The following DPP10 variants were observed in gnomAD, a reference collection of about 807,000 sequenced individuals.
The protein encoded by DPP10 is dipeptidyl peptidase like 10.
Under a neutral mutation model 120.9 loss-of-function variants are expected in DPP10, and 33 were observed. The ratio of observed to expected loss-of-function variants is 0.27; its 90% CI spans 0.21 to 0.37. The LOEUF (loss-of-function observed/expected upper bound fraction) is 0.37. DPP10 is among the 10% of genes least tolerant of loss of function. The pLI, the probability that DPP10 is intolerant of heterozygous loss-of-function variation, is 1.00. For missense variants in DPP10, 816 were observed against 942.8 expected (o/e 0.87, Z 1.76); for synonymous variants, 337 against 326.1 (o/e 1.03, Z -0.36).
intron 1 of DPP10, among the ~76,000 whole-genome samples, chr2:114,762,215 C>T (rs1680346270): frequency 6.6e-6 from 1 of 152,218 alleles, no homozygotes; most frequent in Admixed American, 6.5e-5. Flanking sequence ...TAAAGAGCAG[C>T]TCTGGAGGAA....
chr2:115,363,211 A>G (rs982026870), intron 3 of DPP10, among the ~76,000 whole-genome samples: 1 of 152,198 alleles, frequency 6.6e-6, no homozygotes, highest in Non-Finnish European at 1.5e-5. Flanking sequence ...GTTTTCTACC[A>G]TTACCAGTAA....
chr2:115,633,258 AGG>A (rs1558954928), intron 5 of DPP10, among the ~76,000 whole-genome samples: 54 of 152,234 alleles, frequency 3.5e-4, no homozygotes, highest in African/African-American at 1.2e-3. Context: ...GCTATAAAAA[AGG>A]ATGAGTTCAT....
At chr2:115,829,576 AT>A (rs1229129097) in intron 21 of DPP10, among the ~76,000 whole-genome samples, 2 of 152,164 alleles carry the variant, frequency 1.3e-5, no homozygotes, top group Non-Finnish European at 2.9e-5. Context: ...TTCAACAGTT[AT>A]AATAATTTAA....
At chr2:115,298,043 C>A (rs1164371744) in intron 1 of DPP10, among the ~76,000 whole-genome samples, 1 of 151,992 alleles carries the variant, frequency 6.6e-6, no homozygotes, top group East Asian at 1.9e-4. Context: ...GAAATGCATC[C>A]CTCAAGATTA....
chr2:114,977,126 C>T (rs1181061622), intron 1 of DPP10, among the ~76,000 whole-genome samples: 1 of 152,076 alleles, frequency 6.6e-6, no homozygotes, highest in Non-Finnish European at 1.5e-5. Flanking sequence ...TATTCTGCTA[C>T]TTATTAACAT....
intron 3 of DPP10, among the ~76,000 whole-genome samples, chr2:115,419,470 C>A (rs1452402022): frequency 1.3e-5 from 2 of 152,074 alleles, no homozygotes; most frequent in Non-Finnish European, 2.9e-5. Context: ...AACCTGATTT[C>A]TAATGAGCTA....
chr2:115,489,650 C>CTT (rs1163701304), intron 3 of DPP10, among the ~76,000 whole-genome samples: 1 of 148,472 alleles, frequency 6.7e-6, no homozygotes, highest in Admixed American at 6.7e-5. Flanking sequence ...TACAATTTGA[C>CTT]TTAATTTCTA....
chr2:114,890,643 C>T (rs1479100227), intron 1 of DPP10, among the ~76,000 whole-genome samples: 1 of 152,210 alleles, frequency 6.6e-6, no homozygotes, highest in Non-Finnish European at 1.5e-5. Context: ...TTATTAGCAT[C>T]ATTCATTCCT....
At chr2:115,750,187 T>C in intron 10 of DPP10, 1 of 984,802 alleles carries the variant, frequency 1.0e-6, no homozygotes, top group Non-Finnish European at 1.2e-6. Context: ...GAGTGTGACA[T>C]TTCCAGGTAA....
chr2:114,538,767 C>G (rs193287498), intron 1 of DPP10, among the ~76,000 whole-genome samples: 2 of 152,272 alleles, frequency 1.3e-5, no homozygotes, highest in Non-Finnish European at 2.9e-5. Context: ...AGTGCTTCTT[C>G]TTGTCACTGC....
At chr2:115,067,278 G>C (rs554037815) in intron 1 of DPP10, among the ~76,000 whole-genome samples, 1 of 152,052 alleles carries the variant, frequency 6.6e-6, no homozygotes, top group South Asian at 2.1e-4. Context: ...TTGAGACGGA[G>C]TCTGGCTCTG....
intron 1 of DPP10, among the ~76,000 whole-genome samples, chr2:114,501,919 G>A (rs1001082460): frequency 6.9e-6 from 1 of 145,950 alleles, no homozygotes; most frequent in East Asian, 2.0e-4. Context: ...GAGAAAAAAC[G>A]AAGATTGATA....
intron 15 of DPP10, 81 bp downstream of exon 15, chr2:115,777,915 T>A (rs973242362): frequency 2.1e-6 from 3 of 1,446,570 alleles, no homozygotes; most frequent in Non-Finnish European, 2.9e-6. Context: ...AAAGGAAAAA[T>A]TTGAAATGTC....
intron 1 of DPP10, among the ~76,000 whole-genome samples, chr2:114,733,744 G>T (rs1677144967): frequency 6.6e-6 from 1 of 152,224 alleles, no homozygotes; most frequent in South Asian, 2.1e-4. Flanking sequence ...GGCCAGTAAG[G>T]CTAGCTTTTG....
At chr2:114,912,732 G>A (rs1280823938) in intron 1 of DPP10, among the ~76,000 whole-genome samples, 1 of 152,202 alleles carries the variant, frequency 6.6e-6, no homozygotes, top group Non-Finnish European at 1.5e-5. Flanking sequence ...GAAAAGGTGA[G>A]TTTGAATAGG....
Position 115,603,998 on chromosome 2 carries a change from T to A in DPP10, c.441+78026T>A, listed in dbSNP as rs557096416. Among the ~76,000 whole-genome samples the A allele has an allele frequency of 3.9e-5, 6 of 152,080 alleles. No homozygotes were observed. The South Asian group carries it at 1.2e-3, about 32-fold the overall frequency. On this transcript the variant is annotated intron_variant, in intron 5 of 25. Coordinates refer to ENST00000410059, the MANE Select transcript of DPP10 (RefSeq NM_020868.6). ...GTTATAGAGTTGTGTTTTATAAAGGTAGAGTGGTAAACATACCTTAGGCTA... is the reference window on the plus strand; with the variant it reads ...GTTATAGAGTTGTGTTTTATAAAGGAAGAGTGGTAAACATACCTTAGGCTA...
chr2:115,017,961 C>T (rs555254318), intron 1 of DPP10, among the ~76,000 whole-genome samples: 1 of 151,662 alleles, frequency 6.6e-6, no homozygotes, highest in South Asian at 2.1e-4. Flanking sequence ...ATATAACAAA[C>T]CTGCACGTTG....
Position 115,757,467 on chromosome 2 carries a change from A to G in DPP10, c.1074+4170A>G, listed in dbSNP as rs1679565778. 5.3e-5 allele frequency among the ~76,000 whole-genome samples: 8 copies of G among 152,226 alleles called. No homozygotes were observed. The South Asian group carries it at 1.7e-3, about 32-fold the overall frequency. ...CAGGAGGCAAAGAGCTTGTGCAGGG[A>G]AACTCCCACTGTAAATCCATCAAAT... On this transcript the variant is annotated intron_variant, in intron 11 of 25. Transcript: ENST00000410059.
intron 1 of DPP10, among the ~76,000 whole-genome samples, chr2:114,457,559 G>A (rs1454086443): frequency 1.3e-5 from 2 of 152,210 alleles, no homozygotes; most frequent in East Asian, 3.9e-4. Context: ...GGATGGTTGA[G>A]CCACCCAAAG....
Sources: allele counts gnomAD v4.1 joint callset (sites outside exome capture counted in the v4.1 genomes callset), GRCh38; gene constraint gnomAD v4.1.1; transcripts MANE v1.5; gene names NCBI Gene and HGNC (gene_info 2026-07-23, HGNC 2026-07-21).